TNRC6C: variants seen among roughly 807,000 people sequenced by gnomAD.
TNRC6C encodes the protein trinucleotide repeat-containing gene 6C protein.
In TNRC6C, 20 loss-of-function variants were observed where a neutral mutation model predicts 153.7. The ratio of observed to expected loss-of-function variants is 0.13; its 90% CI spans 0.09 to 0.19. TNRC6C has a LOEUF of 0.19. TNRC6C is among the 10% of genes least tolerant of loss of function. The pLI, the probability that TNRC6C is intolerant of heterozygous loss-of-function variation, is 1.00. For missense variants in TNRC6C, 1,987 were observed against 2,172.0 expected, an observed-to-expected ratio of 0.91 and a Z score of 1.69; for synonymous variants, 811 against 841.4, an observed-to-expected ratio of 0.96 and a Z score of 0.63.
intron 1 of TNRC6C, among the ~76,000 whole-genome samples, chr17:78,025,148 T>C (rs2071915751): frequency 6.6e-6 from 1 of 152,214 alleles, no homozygotes; most frequent in African/African-American, 2.4e-5. Flanking sequence ...CTTTGTGTTA[T>C]ATATCTATGG....
intron 1 of TNRC6C, among the ~76,000 whole-genome samples, chr17:77,976,211 A>G (rs913917684): frequency 6.6e-6 from 1 of 152,148 alleles, no homozygotes; most frequent in Non-Finnish European, 1.5e-5. Flanking sequence ...TTAATTACAT[A>G]TTTGTGTATA....
chr17:77,980,003 A>G (rs1159421098), intron 1 of TNRC6C, among the ~76,000 whole-genome samples: 1 of 152,176 alleles, frequency 6.6e-6, no homozygotes, highest in Non-Finnish European at 1.5e-5. Flanking sequence ...GAATATAGAC[A>G]TCTTCAGACA....
chr17:78,097,778 T>G, intron 16 of TNRC6C: 1 of 1,551,222 alleles, frequency 6.4e-7, no homozygotes, highest in Non-Finnish European at 8.7e-7. Flanking sequence ...AATGCCACGC[T>G]GCCTTCTTCG....
intron 1 of TNRC6C, among the ~76,000 whole-genome samples, chr17:77,967,355 A>G (rs2070905577): frequency 6.6e-6 from 1 of 152,238 alleles, no homozygotes; most frequent in South Asian, 2.1e-4. Flanking sequence ...AGATATTTAG[A>G]TAACAATCAT....
chr17:77,968,976 C>T (rs1230499598), intron 1 of TNRC6C, among the ~76,000 whole-genome samples: 1 of 152,290 alleles, frequency 6.6e-6, no homozygotes, highest in South Asian at 2.1e-4. Flanking sequence ...TTCTTTCATT[C>T]TGTGTACTGT....
upstream of TNRC6C, among the ~76,000 whole-genome samples, chr17:77,999,347 T>C (rs141679246): frequency 1.3e-3 from 196 of 152,312 alleles, 1 homozygote; most frequent in African/African-American, 4.5e-3. Context: ...GGCAAAGGTT[T>C]GAGAAAAGGA....
chr17:78,085,629 A>T (rs1200840276), intron 11 of TNRC6C, among the ~76,000 whole-genome samples: 1 of 152,148 alleles, frequency 6.6e-6, no homozygotes, highest in Admixed American at 6.5e-5. Context: ...ACTTTAACCA[A>T]CTTTGTAGAT....
chr17:78,021,126 A>G (rs2071824046), intron 1 of TNRC6C, among the ~76,000 whole-genome samples: 1 of 152,234 alleles, frequency 6.6e-6, no homozygotes, highest in Non-Finnish European at 1.5e-5. Flanking sequence ...TCCAGTAGGT[A>G]GCTGAAGAAG....
At chr17:78,031,461 G>A (rs1369344300) in intron 1 of TNRC6C, 55 bp from the exon 4 acceptor site, 1 of 1,215,118 alleles carries the variant, frequency 8.2e-7, no homozygotes, top group East Asian at 3.2e-5. Context: ...TTTGGGTTGG[G>A]TTTTAAAGGG....
chr17:78,020,344 T>C (rs1237540363), intron 1 of TNRC6C, among the ~76,000 whole-genome samples: 2 of 152,232 alleles, frequency 1.3e-5, no homozygotes, highest in Non-Finnish European at 2.9e-5. Context: ...ATTGAATACA[T>C]GCTTTGTGGC....
chr17:78,093,209 C>T (rs2144572541), intron 15 of TNRC6C, 85 bp downstream of exon 17: 1 of 1,395,616 alleles, frequency 7.2e-7, no homozygotes. Flanking sequence ...TGAGAGGACC[C>T]AGAATCTGAG....
At chr17:77,993,392 C>T (rs768531623) in intron 1 of TNRC6C, among the ~76,000 whole-genome samples, 31 of 152,182 alleles carry the variant, frequency 2.0e-4, no homozygotes, top group Non-Finnish European at 2.9e-4. Flanking sequence ...ATTAGATTTA[C>T]AGTTCATACC....
chr17:78,034,694 G>A (rs2072144870), intron 2 of TNRC6C, among the ~76,000 whole-genome samples: 1 of 152,162 alleles, frequency 6.6e-6, no homozygotes, highest in Admixed American at 6.5e-5. Context: ...TTGAGGTCGG[G>A]CGTGGTGGCT....
intron 1 of TNRC6C, among the ~76,000 whole-genome samples, chr17:77,997,976 T>A (rs1052831952): frequency 9.9e-5 from 15 of 152,198 alleles, no homozygotes; most frequent in South Asian, 2.1e-4. Context: ...ATAATTTTTT[T>A]AAATTTTGTT....
At chr17:78,043,926 A>G (rs556331254) in intron 2 of TNRC6C, among the ~76,000 whole-genome samples, 24 of 152,276 alleles carry the variant, frequency 1.6e-4, no homozygotes, top group Non-Finnish European at 2.9e-4. Context: ...ACAGTATTCC[A>G]TTGTGTATAT....
Position 78,075,363 on chromosome 17 carries a change from T to A in TNRC6C, c.3060+85T>A. On this transcript the variant is annotated intron_variant, in intron 8 of 19. Coordinates refer to ENST00000301624, the Ensembl canonical transcript of TNRC6C. The surrounding 1 kb of genome is among the most constrained non-coding windows in gnomAD (Gnocchi z 4.2). Reference sequence around the variant, plus strand: ...ACTGTGTCCTTAATACAAGCCAGATTAAAAACTTGCTGGACTATAATACTT... The same window carrying A: ...ACTGTGTCCTTAATACAAGCCAGATAAAAAACTTGCTGGACTATAATACTT... 1 of 1,461,714 alleles carries A rather than the reference T, an allele frequency of 6.8e-7. No homozygotes were observed. Among genetic ancestry groups the A allele is most frequent in the Admixed American group, 2.4e-5 (1 of 41,130 alleles). The allele number at this position is 1,461,714 out of a possible 1,614,324, so 90.5% of individuals were successfully genotyped here.
upstream of TNRC6C, among the ~76,000 whole-genome samples, chr17:78,004,798 C>A (rs2071468207): frequency 6.6e-6 from 1 of 152,016 alleles, no homozygotes; most frequent in Admixed American, 6.5e-5. Flanking sequence ...AAACAGTATA[C>A]CTATTAGAGC....
chr17:78,065,604 T>C (rs2072859931), intron 4 of TNRC6C, among the ~76,000 whole-genome samples: 2 of 152,290 alleles, frequency 1.3e-5, no homozygotes, highest in African/African-American at 4.8e-5. Flanking sequence ...AAACATGTCA[T>C]CTCCTTGAGA....
intron 5 of TNRC6C, among the ~76,000 whole-genome samples, chr17:78,068,726 G>A (rs1282679175): frequency 7.2e-5 from 11 of 152,116 alleles, no homozygotes; most frequent in African/African-American, 1.7e-4. Flanking sequence ...CCTGGGAGGC[G>A]GAGGTTGCAG....
Sources: allele counts gnomAD v4.1 joint callset (sites outside exome capture counted in the v4.1 genomes callset), GRCh38; gene constraint gnomAD v4.1.1; non-coding constraint Gnocchi (gnomAD v3.1); transcripts MANE v1.5; gene names NCBI Gene and HGNC (gene_info 2026-07-23, HGNC 2026-07-21).